Variants in SOX6 observed in about 807,000 individuals in gnomAD.
SOX6 encodes SRY-box transcription factor 6, also known as transcription factor SOX-6.
Under a neutral mutation model 97.8 loss-of-function variants are expected in SOX6, and 11 were observed. The observed-to-expected ratio is 0.11, with a 90% CI of 0.07 to 0.19. The LOEUF is 0.19. Among genes scored for constraint, SOX6 ranks in the 10% least tolerant of loss-of-function variants. SOX6 has a pLI of 1.00. For synonymous variants in SOX6, 360 were observed against 371.4 expected (o/e 0.97, Z 0.35); for missense variants, 810 against 1,039.5 (o/e 0.78, Z 3.04).
intron 6 of SOX6, among the ~76,000 whole-genome samples, chr11:16,145,127 T>C (rs1030578403): frequency 7.2e-5 from 11 of 152,246 alleles, no homozygotes; most frequent in East Asian, 5.8e-4. Context: ...CCGAATCCAT[T>C]AGCACATCAA....
At chr11:16,189,084 T>C (rs1851561239) in intron 4 of SOX6, among the ~76,000 whole-genome samples, 2 of 152,022 alleles carry the variant, frequency 1.3e-5, no homozygotes, top group South Asian at 2.1e-4. Context: ...AACAAAAAAA[T>C]TGAAGAGACA....
chr11:16,701,826 G>A (rs1848096888), intron 3 of SOX6, among the ~76,000 whole-genome samples: 2 of 151,528 alleles, frequency 1.3e-5, no homozygotes, highest in South Asian at 4.2e-4. Context: ...CCCAGGAGGC[G>A]GAGCTTGCAG....
intron 9 of SOX6, among the ~76,000 whole-genome samples, chr11:16,078,767 G>A (rs1848411113): frequency 6.6e-6 from 1 of 152,084 alleles, no homozygotes; most frequent in African/African-American, 2.4e-5. Context: ...CTCAGAGAAG[G>A]GGACATTTGA....
In SOX6 at chr11:16,305,736, T is replaced by C. The variant is rs373494727; in HGVS notation, c.445+12710A>G. ...AATACACTTAGCAAATTTTTAAGTA[T>C]GAACTTCTTAAAATTTTGTTTGTAT... is the stretch of plus-strand genomic sequence containing the variant. On this transcript the variant is annotated intron_variant, in intron 3 of 15. Transcript: ENST00000683767. Among the ~76,000 whole-genome samples the C allele has an allele frequency of 1.2e-4, 19 of 152,180 alleles. 1 individual carries two copies. Among genetic ancestry groups the C allele is most frequent in the Admixed American group, 5.2e-4 (8 of 15,270 alleles).
At chr11:16,602,405 C>A (rs1325776233) in intron 4 of SOX6, among the ~76,000 whole-genome samples, 1 of 152,070 alleles carries the variant, frequency 6.6e-6, no homozygotes, top group Non-Finnish European at 1.5e-5. Flanking sequence ...AATTGTGATG[C>A]ACACTTGCTT....
chr11:16,034,955 A>G (rs1461844946), intron 12 of SOX6, among the ~76,000 whole-genome samples: 1 of 152,198 alleles, frequency 6.6e-6, no homozygotes, highest in African/African-American at 2.4e-5. Flanking sequence ...ACCCACTTCT[A>G]TAGATACAAA....
intron 3 of SOX6, among the ~76,000 whole-genome samples, chr11:16,302,109 T>A (rs1462959770): frequency 6.6e-6 from 1 of 152,148 alleles, no homozygotes; most frequent in East Asian, 1.9e-4. Flanking sequence ...AGAGTCTGAT[T>A]AGTACCTGCC....
At chr11:16,194,740 C>T (rs370476962) in intron 4 of SOX6, among the ~76,000 whole-genome samples, 1 of 152,208 alleles carries the variant, frequency 6.6e-6, no homozygotes, top group Non-Finnish European at 1.5e-5. Context: ...CAACTGAGGT[C>T]TATTCATGTC....
intron 3 of SOX6, among the ~76,000 whole-genome samples, chr11:16,251,991 T>TA (rs35498021): frequency 0.78 from 117,510 of 150,596 alleles, 45,952 homozygotes; most frequent in Non-Finnish European, 0.8. Context: ...AATTTTCTTT[T>TA]AAAAAAAAAG....
At chr11:16,239,457 A>G (rs1450041514) in intron 3 of SOX6, among the ~76,000 whole-genome samples, 1 of 152,012 alleles carries the variant, frequency 6.6e-6, no homozygotes, top group Admixed American at 6.6e-5. Flanking sequence ...ACACCAAATA[A>G]ACCTAGAATA....
At chr11:16,072,138 G>A (rs1209025648) in intron 9 of SOX6, among the ~76,000 whole-genome samples, 1 of 152,074 alleles carries the variant, frequency 6.6e-6, no homozygotes, top group Non-Finnish European at 1.5e-5. Flanking sequence ...TATATGGATA[G>A]GAATGAAGAT....
At chr11:16,506,381 G>C (rs920300861) in intron 4 of SOX6, among the ~76,000 whole-genome samples, 1 of 152,188 alleles carries the variant, frequency 6.6e-6, no homozygotes, top group African/African-American at 2.4e-5. Flanking sequence ...CTTTTGGAAA[G>C]GGAGTATTTC....
At chr11:15,982,330 T>C (rs1432111956) in intron 15 of SOX6, among the ~76,000 whole-genome samples, 1 of 152,118 alleles carries the variant, frequency 6.6e-6, no homozygotes, top group African/African-American at 2.4e-5. Flanking sequence ...CCCTATCTTG[T>C]AAATTTGTTG....
chr11:16,601,212 T>C (rs888007222), intron 4 of SOX6, among the ~76,000 whole-genome samples: 3 of 152,180 alleles, frequency 2.0e-5, no homozygotes, highest in Non-Finnish European at 4.4e-5. Flanking sequence ...AATTGTGAAA[T>C]AACTTGATTA....
intron 3 of SOX6, among the ~76,000 whole-genome samples, chr11:16,614,281 A>C (rs1848441073): frequency 6.6e-6 from 1 of 151,968 alleles, no homozygotes; most frequent in Non-Finnish European, 1.5e-5. Flanking sequence ...CCTGGGACTC[A>C]TCTCCCGCTT....
chr11:16,091,216 A>C (rs1848679424), intron 9 of SOX6, among the ~76,000 whole-genome samples: 1 of 152,094 alleles, frequency 6.6e-6, no homozygotes, highest in South Asian at 2.1e-4. Context: ...TTAAGAGAAA[A>C]GCATGCATTC....
At chr11:15,980,599 T>C (rs1853626036) in intron 15 of SOX6, among the ~76,000 whole-genome samples, 1 of 152,074 alleles carries the variant, frequency 6.6e-6, no homozygotes, top group African/African-American at 2.4e-5. Flanking sequence ...TTTTCTTTAC[T>C]GCCAGGAAAA....
In SOX6 at chr11:16,015,158, T is replaced by C; in HGVS notation, c.1624-108A>G. 4.3e-6 allele frequency: 4 copies of C among 929,148 alleles called. No individual in the cohort carries two copies. In the South Asian group the frequency reaches 5.6e-5, roughly 13 times the overall value. The allele number at this position is 929,148 out of a possible 1,614,324, so 57.6% of individuals were successfully genotyped here. A position where few individuals can be genotyped will look rare whatever the true frequency, so the allele number is the denominator to read the frequency against. ...CAAAAGGTGAATTCAAAAATATCAT[T>C]TCTGACCAATGTGGACTCTGAAAAT... On this transcript the variant is annotated intron_variant, in intron 12 of 15. Transcript: ENST00000683767.
chr11:16,353,581 C>T (rs1302520173), intron 1 of SOX6, among the ~76,000 whole-genome samples: 1 of 152,004 alleles, frequency 6.6e-6, no homozygotes, highest in East Asian at 1.9e-4. Context: ...ACCACCTCCT[C>T]CCTTTCTTAT....
Sources: allele counts gnomAD v4.1 joint callset (sites outside exome capture counted in the v4.1 genomes callset), GRCh38; gene constraint gnomAD v4.1.1; transcripts MANE v1.5; gene names NCBI Gene and HGNC (gene_info 2026-07-23, HGNC 2026-07-21).